Variants in DLEU7 observed in about 807,000 individuals in gnomAD.
DLEU7 encodes leukemia-associated protein 7.
DLEU7 carries 17 observed loss-of-function variants against 16.0 expected under a neutral mutation model. The observed-to-expected ratio is 1.06, with a 90% CI of 0.73 to 1.59. DLEU7 has a LOEUF of 1.59. Ranked by LOEUF, DLEU7 falls within the 40% of genes most tolerant of loss-of-function variation. The pLI is 0.00. For synonymous variants in DLEU7, 113 were observed against 139.8 expected, an observed-to-expected ratio of 0.81 and a Z score of 1.35; for missense variants, 308 against 314.9, an observed-to-expected ratio of 0.98 and a Z score of 0.17.
chr13:50,773,593 CAGCAG>C (rs1875396084), intron 1 of DLEU7, among the ~76,000 whole-genome samples: 1 of 152,186 alleles, frequency 6.6e-6, no homozygotes, highest in Non-Finnish European at 1.5e-5. Context: ...TGGATATCAC[CAGCAG>C]AGGCTGCAGA....
intron 1 of DLEU7, among the ~76,000 whole-genome samples, chr13:50,814,674 GAAC>G (rs1463833978): frequency 8.1e-3 from 241 of 29,658 alleles, no homozygotes; most frequent in African/African-American, 0.028. Context: ...ACACTACATA[GAAC>G]TACACACACA....
intron 1 of DLEU7, among the ~76,000 whole-genome samples, chr13:50,837,622 G>A (rs1173900464): frequency 2.0e-5 from 3 of 152,140 alleles, no homozygotes; most frequent in South Asian, 2.1e-4. Flanking sequence ...TTATATAACC[G>A]TGAGCATTTA....
downstream of DLEU7, chr13:50,711,772 C>CCGGGGGGGTGG: frequency 5.5e-5 from 4 of 72,928 alleles, no homozygotes; most frequent in African/African-American, 1.6e-4. Flanking sequence ...GACCCAGTGG[C>CCGGGGGGGTGG]GGGGGCGGGG....
intron 1 of DLEU7, among the ~76,000 whole-genome samples, chr13:50,799,559 T>G (rs1876193431): frequency 6.6e-6 from 1 of 152,214 alleles, no homozygotes; most frequent in African/African-American, 2.4e-5. Context: ...AAACTCTAGA[T>G]CCTTTAATAA....
At chr13:50,727,841 A>G (rs1873807903) in intron 1 of DLEU7, among the ~76,000 whole-genome samples, 1 of 152,238 alleles carries the variant, frequency 6.6e-6, no homozygotes, top group Non-Finnish European at 1.5e-5. Context: ...CTCGGTGTCA[A>G]CGCCAGGCAA....
At chr13:50,811,236 T>C (rs1189007240) in intron 1 of DLEU7, among the ~76,000 whole-genome samples, 1 of 151,932 alleles carries the variant, frequency 6.6e-6, no homozygotes, top group South Asian at 2.1e-4. Context: ...AAAAGGGAAG[T>C]GCAAATTAGA....
intron 1 of DLEU7, among the ~76,000 whole-genome samples, chr13:50,766,746 C>T (rs1392302273): frequency 6.6e-6 from 1 of 152,178 alleles, no homozygotes. Context: ...CTGCTTATGC[C>T]TATAATTAAA....
At chr13:50,831,899 G>A (rs886463973) in intron 1 of DLEU7, among the ~76,000 whole-genome samples, 3 of 152,192 alleles carry the variant, frequency 2.0e-5, no homozygotes, top group African/African-American at 7.2e-5. Flanking sequence ...GTATTTTACT[G>A]AGGATTTTCG....
chr13:50,738,049 G>A (rs2137722457), intron 1 of DLEU7, among the ~76,000 whole-genome samples: 1 of 152,240 alleles, frequency 6.6e-6, no homozygotes, highest in Non-Finnish European at 1.5e-5. Context: ...GAATGGTCTG[G>A]ATAGTAAATC....
intron 1 of DLEU7, among the ~76,000 whole-genome samples, chr13:50,758,355 G>C (rs1432131951): frequency 4.6e-5 from 7 of 151,528 alleles, no homozygotes; most frequent in Admixed American, 4.6e-4. Context: ...GTTAATTAAG[G>C]TTTCTTTTGT....
intron 1 of DLEU7, among the ~76,000 whole-genome samples, chr13:50,801,560 A>G (rs560963531): frequency 2.0e-5 from 3 of 152,174 alleles, no homozygotes; most frequent in East Asian, 3.9e-4. Context: ...CTTTCGTTCA[A>G]TGCCTTGGCC....
Position 50,726,069 on chromosome 13 carries a change from G to C in DLEU7, c.460-12829C>G, listed in dbSNP as rs188468324. Reference sequence around the variant, plus strand: ...AATGCAGTGTGATTCCTGCCTTCAAGGGACCTATCACTGTCTTGGAGAAGT... The same window carrying C: ...AATGCAGTGTGATTCCTGCCTTCAACGGACCTATCACTGTCTTGGAGAAGT... On this transcript the variant is annotated intron_variant, in intron 1 of 1. Transcript: ENST00000400393. The surrounding 1 kb of genome is among the most constrained non-coding windows in gnomAD (Gnocchi z 4.0). 1.3e-4 allele frequency among the ~76,000 whole-genome samples: 20 copies of C among 152,296 alleles called. No individual in the cohort carries two copies. In the East Asian group the frequency reaches 3.7e-3, roughly 28 times the overall value.
chr13:50,752,562 C>T (rs1213882053), intron 1 of DLEU7, among the ~76,000 whole-genome samples: 7 of 151,926 alleles, frequency 4.6e-5, no homozygotes, highest in African/African-American at 7.3e-5. Context: ...TTCTGATGTT[C>T]GGATGTGTTC....
chr13:50,724,347 A>T (rs558074089), intron 1 of DLEU7, among the ~76,000 whole-genome samples: 1 of 152,246 alleles, frequency 6.6e-6, no homozygotes, highest in South Asian at 2.1e-4. Context: ...TCTTTTGTGA[A>T]TGCACACCAT....
intron 1 of DLEU7, among the ~76,000 whole-genome samples, chr13:50,758,332 G>T (rs921715323): frequency 5.9e-5 from 9 of 152,172 alleles, no homozygotes; most frequent in Admixed American, 5.9e-4. Flanking sequence ...TGATCAAAGT[G>T]AGAAGATAAC....
chr13:50,748,228 C>CTTTTT (rs71085044), intron 1 of DLEU7, among the ~76,000 whole-genome samples: 1,587 of 89,284 alleles, frequency 0.018, 5 homozygotes, highest in Middle Eastern at 0.02. Flanking sequence ...ACTCCTTAAA[C>CTTTTT]TTTTTTTTTT....
At chr13:50,802,381 C>G (rs966059260) in intron 1 of DLEU7, among the ~76,000 whole-genome samples, 2 of 152,070 alleles carry the variant, frequency 1.3e-5, no homozygotes, top group Non-Finnish European at 2.9e-5. Context: ...AAGAACTAAG[C>G]AAAACCATTT....
chr13:50,786,408 C>T lies in DLEU7; in HGVS notation c.459+56780G>A, dbSNP rs530958619. Among the ~76,000 whole-genome samples the T allele has an allele frequency of 5.9e-5, 9 of 152,232 alleles. No individual in the cohort carries two copies. In the South Asian group the frequency reaches 1.5e-3, roughly 25 times the overall value. On this transcript the variant is annotated intron_variant, in intron 1 of 1. Coordinates refer to the DLEU7 transcript ENST00000400393. The stretch of plus-strand genomic sequence containing the variant: ...ACATAGATAAGAGCTAATTTGTATA[C>T]GTGTACTATACAACATTAATACAAT...
At chr13:50,756,922 G>A (rs1225399009) in intron 1 of DLEU7, among the ~76,000 whole-genome samples, 1 of 152,106 alleles carries the variant, frequency 6.6e-6, no homozygotes, top group East Asian at 1.9e-4. Flanking sequence ...GTATTTTGCT[G>A]GGCTCTCTAA....
Sources: allele counts gnomAD v4.1 joint callset (sites outside exome capture counted in the v4.1 genomes callset), GRCh38; gene constraint gnomAD v4.1.1; non-coding constraint Gnocchi (gnomAD v3.1); transcripts MANE v1.5; gene names NCBI Gene and HGNC (gene_info 2026-07-23, HGNC 2026-07-21).